TMED2: variants seen among roughly 807,000 people sequenced by gnomAD.
The protein encoded by TMED2 is transmembrane emp24 domain-containing protein 2.
Under a neutral mutation model 17.5 loss-of-function variants are expected in TMED2, and 3 were observed. That is an observed-to-expected ratio of 0.17 (90% CI 0.08 to 0.44). The LOEUF (loss-of-function observed/expected upper bound fraction) is 0.44, where lower values mean the gene tolerates loss of function less well. TMED2 is among the 20% of genes least tolerant of loss of function. The pLI is 0.99. For synonymous variants in TMED2, 95 were observed against 91.0 expected, an observed-to-expected ratio of 1.04 and a Z score of -0.25; for missense variants, 149 against 254.8, an observed-to-expected ratio of 0.58 and a Z score of 2.83.
In TMED2 at chr12:123,584,986, C is replaced by T; in HGVS notation, c.180+170C>T. On this transcript the variant is annotated intron_variant, in intron 1 of 3. Transcript: ENST00000262225. ...GCCCCGCCCCGGCCACGGCGACCTC[C>T]TAACGGCCCCTTTTCCCGCGACTTG... 3.8e-6 allele frequency: 3 copies of T among 789,834 alleles called. No homozygotes were observed. The South Asian group carries it at 5.6e-5, about 15-fold the overall frequency. 48.9% of individuals were successfully genotyped at this position (789,834 alleles called of 1,614,324 possible).
At chr12:123,587,713 C>A in intron 2 of TMED2, 1 of 1,189,954 alleles carries the variant, frequency 8.4e-7, no homozygotes, top group Non-Finnish European at 1.1e-6. Flanking sequence ...TTTTTCTAAC[C>A]TCAGTTTGTT....
chr12:123,590,094 C>A (rs1953380162), intron 2 of TMED2, among the ~76,000 whole-genome samples: 1 of 151,766 alleles, frequency 6.6e-6, no homozygotes. Flanking sequence ...ACCAGCCTGA[C>A]CAACATGGTG....
intron 3 of TMED2, among the ~76,000 whole-genome samples, chr12:123,591,127 AC>A (rs749858474): frequency 1.6e-4 from 25 of 152,196 alleles, no homozygotes; most frequent in Admixed American, 7.9e-4. Context: ...AAACTTATGT[AC>A]CAGTGGGATT....
intron 3 of TMED2, among the ~76,000 whole-genome samples, chr12:123,595,646 G>T (rs897955118): frequency 1.3e-5 from 2 of 152,108 alleles, no homozygotes; most frequent in Admixed American, 1.3e-4. Context: ...GGAGAAAGAT[G>T]GTTGTATTGG....
intron 3 of TMED2, among the ~76,000 whole-genome samples, chr12:123,594,999 C>T (rs1953420562): frequency 2.6e-5 from 4 of 152,114 alleles, no homozygotes; most frequent in Non-Finnish European, 5.9e-5. Context: ...GAGGCCGAGG[C>T]AGGCAGATCA....
chr12:123,590,536 A>G (rs1953383862), intron 3 of TMED2, 87 bp downstream of exon 3: 1 of 1,152,844 alleles, frequency 8.7e-7, no homozygotes, highest in Non-Finnish European at 1.2e-6. Context: ...TCATTTGGAA[A>G]CTTTGCAAAT....
intron 2 of TMED2, among the ~76,000 whole-genome samples, chr12:123,589,800 C>T (rs879576867): frequency 1.3e-5 from 2 of 150,820 alleles, no homozygotes; most frequent in Non-Finnish European, 3.0e-5. Flanking sequence ...AGAGATTGCC[C>T]CAGCCTAGGC....
At chr12:123,590,290 A>G in intron 2 of TMED2, 52 bp from the exon 3 acceptor site, 1 of 1,434,226 alleles carries the variant, frequency 7.0e-7, no homozygotes, top group Non-Finnish European at 9.4e-7. Flanking sequence ...GTCTCAAAAA[A>G]AAAAAAAAAA....
At chr12:123,590,479 G>A (rs1196889585) in intron 3 of TMED2, 30 bp downstream of exon 3, 8 of 1,532,608 alleles carry the variant, frequency 5.2e-6, no homozygotes, top group Non-Finnish European at 5.3e-6. Flanking sequence ...TTGCAGCAGT[G>A]TCTGATGGTG....
chr12:123,598,047 A>C lies in TMED2; in HGVS notation c.*1318A>C, dbSNP rs987371713. On this transcript the variant is annotated 3_prime_UTR_variant, in exon 4 of 4. Transcript: ENST00000262225. ...GCATGCCAAGTTTTTTGTGTGTGTGAAACACTTCAAAACTGATTTAAAAGA... is the reference window on the plus strand; with the variant it reads ...GCATGCCAAGTTTTTTGTGTGTGTGCAACACTTCAAAACTGATTTAAAAGA... The C allele has an allele frequency of 1.3e-5, 2 of 152,556 alleles. No individual in the cohort carries two copies. The highest frequency in any genetic ancestry group is 4.8e-5 in the African/African-American group (2 of 41,422). The allele number at this position is 152,556 out of a possible 1,614,324, so 9.5% of individuals were successfully genotyped here.
At chr12:123,587,752 A>T in intron 2 of TMED2, 1 of 771,496 alleles carries the variant, frequency 1.3e-6, no homozygotes, top group Non-Finnish European at 1.7e-6. Flanking sequence ...TCTCTTAAAA[A>T]ACCCCTACAA....
intron 3 of TMED2, among the ~76,000 whole-genome samples, chr12:123,593,124 C>G (rs894183550): frequency 1.3e-5 from 2 of 152,208 alleles, no homozygotes; most frequent in African/African-American, 2.4e-5. Flanking sequence ...TCACTTGAAC[C>G]CAGGAGTTGC....
At chr12:123,585,912 G>A (rs1354899818) in intron 1 of TMED2, 1 of 152,120 alleles carries the variant, frequency 6.6e-6, no homozygotes, top group Non-Finnish European at 1.5e-5. Flanking sequence ...CTTGAAATGT[G>A]ATAAAAATTC....
At chr12:123,592,207 C>A (rs1051771830) in intron 3 of TMED2, among the ~76,000 whole-genome samples, 5 of 152,190 alleles carry the variant, frequency 3.3e-5, no homozygotes, top group African/African-American at 7.2e-5. Context: ...ATTTTGTCTC[C>A]TTGCCTCCAC....
chr12:123,590,690 G>A (rs1239085106), intron 3 of TMED2, among the ~76,000 whole-genome samples: 1 of 152,150 alleles, frequency 6.6e-6, no homozygotes, highest in African/African-American at 2.4e-5. Flanking sequence ...GTTTTTAAGA[G>A]TTTAGTTTTC....
rs1953351858 is a variant in TMED2 at position 123,586,900 on chromosome 12, A to G, written c.334A>G (p.Ile112Val). 6.2e-7 allele frequency: 1 copy of G among 1,611,254 alleles called. No homozygotes were observed. The highest frequency in any genetic ancestry group is 1.3e-5 in the African/African-American group (1 of 74,860). The change falls in exon 2 of 4, where the codon ATT (isoleucine) becomes GTT (valine). Residue 112 changes from isoleucine to valine, a missense_variant. By Grantham distance (29) the Ile-to-Val change is conservative. Coordinates refer to ENST00000262225, the MANE Select transcript of TMED2 (RefSeq NM_006815.4). ...TPKIVMFTID[I>V]GEAPKGQDME... ...AAAAATAGTGATGTTCACCATTGAT[A>G]TTGGGGAGGCTCCAAAAGGACAAGA...
rs201052096 is a variant in TMED2 at position 123,590,406 on chromosome 12, C to T, written c.438C>T (p.His146=). The part of the protein sequence containing the change: ...ELAVAMTAVK[H]EQEYMEVRER... ...CAGTGGCGATGACAGCTGTAAAGCA[C>T]GAACAGGAATACATGGAAGTCCGGG... Residue 146 remains histidine (H), a synonymous_variant, in exon 3 of 4, where the codon CAC becomes CAT. Coordinates refer to ENST00000262225, the MANE Select transcript of TMED2 (RefSeq NM_006815.4). 109 of 1,610,052 alleles carry T rather than the reference C, an allele frequency of 6.8e-5. No homozygotes were observed. Among genetic ancestry groups the T allele is most frequent in the Non-Finnish European group, 8.8e-5 (104 of 1,177,506 alleles).
intron 3 of TMED2, among the ~76,000 whole-genome samples, chr12:123,594,301 A>AT (rs1219777505): frequency 1.3e-5 from 2 of 151,192 alleles, no homozygotes; most frequent in African/African-American, 4.9e-5. Context: ...CGCCTGGGTA[A>AT]TTTTTTTTAT....
At position 123,596,639 on chromosome 12, in the gene TMED2, GT is replaced by G; in HGVS notation, c.517del (p.Ser173ProfsTer8). On this transcript the variant is annotated frameshift_variant, in exon 4 of 4. Transcript: ENST00000262225. LOFTEE classifies it high-confidence loss of function. Reference sequence around the variant, plus strand: ...ACACAAACAGCAGAGTGGTCCTTTGGTCCTTCTTTGAAGCTCTTGTTCTAGT... The same window carrying G: ...ACACAAACAGCAGAGTGGTCCTTTGGCCTTCTTTGAAGCTCTTGTTCTAGT... Reference protein sequence around the residue: ...DNTNSRVVLWSFFEALVLVAM... With the variant: ...DNTNSRVVLWXFFEALVLVAM... The G allele has an allele frequency of 6.2e-7, 1 of 1,611,458 alleles. No homozygotes were observed. Among genetic ancestry groups the G allele is most frequent in the Non-Finnish European group, 8.5e-7 (1 of 1,179,058 alleles).
Sources: allele counts gnomAD v4.1 joint callset (sites outside exome capture counted in the v4.1 genomes callset), GRCh38; gene constraint gnomAD v4.1.1; transcripts MANE v1.5; gene names NCBI Gene and HGNC (gene_info 2026-07-23, HGNC 2026-07-21).